Variants in THAP4 observed in about 807,000 individuals in gnomAD.
THAP4 encodes THAP domain containing 4.
Under a neutral mutation model 48.1 loss-of-function variants are expected in THAP4, and 18 were observed. That is an observed-to-expected ratio of 0.37 (90% confidence interval 0.26 to 0.56). The LOEUF is 0.56. THAP4 is among the 20% of genes least tolerant of loss of function. The pLI is 0.78. For synonymous variants in THAP4, 345 were observed against 324.9 expected, an observed-to-expected ratio of 1.06 and a Z score of -0.66; for missense variants, 656 against 774.9, an observed-to-expected ratio of 0.85 and a Z score of 1.82.
At chr2:241,595,869 C>T (rs2067040452) in intron 5 of THAP4, among the ~76,000 whole-genome samples, 1 of 152,210 alleles carries the variant, frequency 6.6e-6, no homozygotes, top group African/African-American at 2.4e-5. Context: ...GTAAGACCAG[C>T]CCCGGAACGA....
chr2:241,620,312 G>A (rs2067411138), intron 2 of THAP4, among the ~76,000 whole-genome samples: 1 of 104,512 alleles, frequency 9.6e-6, no homozygotes, highest in Non-Finnish European at 2.0e-5. Flanking sequence ...TCGTGAGTGA[G>A]GGGTGAGTGA....
intron 2 of THAP4, among the ~76,000 whole-genome samples, chr2:241,614,684 G>A (rs2067316487): frequency 6.6e-6 from 1 of 152,058 alleles, no homozygotes; most frequent in African/African-American, 2.4e-5. Context: ...TCAGGAGTTC[G>A]AGACCAGCCT....
In THAP4 at chr2:241,610,763, G is replaced by T. The variant is rs1245392936; in HGVS notation, c.1241-4290C>A. ...CTCCTCAGAGGGGACCGGAGAGGAGGCGCTCCTTAAATGGGGAAGAAAGAC... is the reference window on the plus strand; with the variant it reads ...CTCCTCAGAGGGGACCGGAGAGGAGTCGCTCCTTAAATGGGGAAGAAAGAC... On this transcript the variant is annotated intron_variant, in intron 2 of 5. Coordinates refer to ENST00000407315, the MANE Select transcript of THAP4 (RefSeq NM_015963.6). The surrounding 1 kb of genome is among the most constrained non-coding windows in gnomAD (Gnocchi z 4.2). Among the ~76,000 whole-genome samples the T allele has an allele frequency of 6.6e-6, 1 of 152,084 alleles. No homozygotes were observed. The highest frequency in any genetic ancestry group is 2.4e-5 in the African/African-American group (1 of 41,426).
At chr2:241,607,419 C>T (rs1476826909) in intron 2 of THAP4, among the ~76,000 whole-genome samples, 1 of 151,858 alleles carries the variant, frequency 6.6e-6, no homozygotes, top group Non-Finnish European at 1.5e-5. Context: ...GCGGGGACCA[C>T]AGGAAAGCCC....
chr2:241,594,718 ACTGTATTCCAGC>A (rs2067027337), intron 5 of THAP4: 1 of 177,846 alleles, frequency 5.6e-6, no homozygotes, highest in African/African-American at 2.4e-5. Flanking sequence ...AGATCTTGCT[ACTGTATTCCAGC>A]CTAGGTGATG....
intron 1 of THAP4, 97 bp from the exon 2 acceptor site, chr2:241,634,176 CT>C (rs2067607981): frequency 2.2e-6 from 2 of 920,504 alleles, no homozygotes; most frequent in Non-Finnish European, 1.6e-6. Context: ...TGCACGCACC[CT>C]AAGCCGTATT....
intron 2 of THAP4, among the ~76,000 whole-genome samples, chr2:241,613,545 G>A (rs1315309677): frequency 6.6e-6 from 1 of 152,166 alleles, no homozygotes; most frequent in Non-Finnish European, 1.5e-5. Context: ...CCTGAGCTCA[G>A]GAGTTTGAGA....
intron 2 of THAP4, among the ~76,000 whole-genome samples, chr2:241,613,825 C>T (rs2067307093): frequency 6.6e-6 from 1 of 151,964 alleles, no homozygotes; most frequent in African/African-American, 2.4e-5. Context: ...GATGACAGAA[C>T]CAAGACTAAA....
At chr2:241,611,267 C>A (rs1433580439) in intron 2 of THAP4, among the ~76,000 whole-genome samples, 2 of 152,138 alleles carry the variant, frequency 1.3e-5, no homozygotes, top group Non-Finnish European at 2.9e-5. Context: ...TTCTGGCCCC[C>A]GCTCTGCCAC....
intron 5 of THAP4, among the ~76,000 whole-genome samples, chr2:241,587,108 C>T (rs1455152760): frequency 2.0e-5 from 3 of 151,956 alleles, no homozygotes; most frequent in Non-Finnish European, 4.4e-5. Flanking sequence ...CAAAGGTGAC[C>T]GATTAAGGAA....
intron 2 of THAP4, among the ~76,000 whole-genome samples, chr2:241,629,806 C>T (rs963999207): frequency 8.6e-5 from 13 of 151,446 alleles, no homozygotes; most frequent in Non-Finnish European, 1.8e-4. Flanking sequence ...CAAGCAGAAA[C>T]GGGCACCTCC....
At chr2:241,619,579 A>C (rs1404837229) in intron 2 of THAP4, among the ~76,000 whole-genome samples, 1 of 152,250 alleles carries the variant, frequency 6.6e-6, no homozygotes, top group Admixed American at 6.5e-5. Context: ...AAAATATGGC[A>C]TAAGAGACAA....
In THAP4 at chr2:241,610,649, C is replaced by A. The variant is rs1163291864; in HGVS notation, c.1241-4176G>T. On this transcript the variant is annotated intron_variant, in intron 2 of 5. Transcript: ENST00000407315. This position sits in a 1 kb window ranked among gnomAD's most constrained non-coding sequence, Gnocchi z 4.2. ...CCCCTCATCTACTTGGCAGACGCCT[C>A]TCACCGGCAGCCTCTGCCTCCCCCT... 6.6e-6 allele frequency among the ~76,000 whole-genome samples: 1 copy of A among 152,114 alleles called. No homozygotes were observed.
Position 241,633,328 on chromosome 2 carries a change from C to G in THAP4, c.829G>C (p.Asp277His). 3.7e-6 allele frequency: 6 copies of G among 1,612,372 alleles called. No homozygotes were observed. Among genetic ancestry groups the G allele is most frequent in the Non-Finnish European group, 5.1e-6 (6 of 1,179,988 alleles). ...PSCSGSSLGPDKGLAQSPPSS... is the reference protein window; with the variant it reads ...PSCSGSSLGPHKGLAQSPPSS... ...GGAGGGCTCTGGGCCAGGCCCTTGT[C>G]GGGTCCCAGGCTGCTCCCACTGCAG... The change falls in exon 2 of 6, where the codon GAC (aspartate) becomes CAC (histidine). Residue 277 changes from aspartate to histidine, a missense_variant. This residue lies in a region of THAP4 where 391 missense variants were observed against 412.4 expected (regional missense o/e 0.95). Coordinates refer to ENST00000407315, the MANE Select transcript of THAP4 (RefSeq NM_015963.6). The surrounding 1 kb of genome is among the most constrained non-coding windows in gnomAD (Gnocchi z 7.5).
At chr2:241,600,417 G>A (rs2067097528) in intron 5 of THAP4, among the ~76,000 whole-genome samples, 1 of 152,100 alleles carries the variant, frequency 6.6e-6, no homozygotes, top group Non-Finnish European at 1.5e-5. Context: ...AAAAAGGAAA[G>A]CTGTAAGAAT....
chr2:241,631,348 A>C (rs373021781), intron 2 of THAP4, among the ~76,000 whole-genome samples: 47 of 152,368 alleles, frequency 3.1e-4, no homozygotes, highest in African/African-American at 1.1e-3. Context: ...TCCTATGTAC[A>C]CGACAGGCAA....
intron 5 of THAP4, among the ~76,000 whole-genome samples, chr2:241,597,676 T>C (rs1331974499): frequency 6.6e-6 from 1 of 152,210 alleles, no homozygotes; most frequent in African/African-American, 2.4e-5. Context: ...CCTTCTAGCC[T>C]CAAGGTCCCT....
intron 2 of THAP4, among the ~76,000 whole-genome samples, chr2:241,608,738 A>G (rs1406275615): frequency 2.6e-5 from 4 of 152,222 alleles, no homozygotes; most frequent in Non-Finnish European, 4.4e-5. Flanking sequence ...ACAAGAAATG[A>G]GTGAATGATG....
intron 2 of THAP4, among the ~76,000 whole-genome samples, chr2:241,624,733 G>A (rs150741273): frequency 6.6e-6 from 1 of 152,220 alleles, no homozygotes; most frequent in Non-Finnish European, 1.5e-5. Context: ...CAGGATGGAG[G>A]GGGTGGGGCT....
Sources: gnomAD v4.1 joint callset for allele counts (sites outside exome capture counted in the v4.1 genomes callset) on GRCh38, gnomAD v4.1.1 for gene constraint, gnomAD v4.1.1 regional missense constraint, Gnocchi (gnomAD v3.1) non-coding constraint, MANE v1.5 for transcripts, NCBI Gene and HGNC (gene_info 2026-07-23, HGNC 2026-07-21) for gene names.